The following MINDY2 variants were observed in gnomAD, a reference collection of about 807,000 sequenced individuals.
The protein encoded by MINDY2 is ubiquitin carboxyl-terminal hydrolase MINDY-2.
In MINDY2, 52 loss-of-function variants were observed where a neutral mutation model predicts 68.2. That is an observed-to-expected ratio of 0.76 (90% CI 0.61 to 0.96). The LOEUF is 0.96. MINDY2 is among the 40% of genes least tolerant of loss of function. The pLI is 0.00. For missense variants in MINDY2, 881 were observed against 773.4 expected (o/e 1.14, Z -1.65); for synonymous variants, 372 against 303.0 (o/e 1.23, Z -2.36).
rs187675140 is a variant in MINDY2 at position 58,812,204 on chromosome 15, G to A, written c.1122+1816G>A. ...TGTAATCCCAGTACTTTGGGAGGCC[G>A]AGGCGGGTGGATCATGAAGTCAGGA... On this transcript the variant is annotated intron_variant, in intron 4 of 8. Transcript: ENST00000559228. Among the ~76,000 whole-genome samples the A allele has an allele frequency of 3.3e-5, 5 of 151,974 alleles. No individual in the cohort carries two copies. The East Asian group carries it at 7.8e-4, about 24-fold the overall frequency.
At chr15:58,848,349 G>T (rs933575243) in intron 7 of MINDY2, among the ~76,000 whole-genome samples, 1 of 152,274 alleles carries the variant, frequency 6.6e-6, no homozygotes, top group East Asian at 1.9e-4. Context: ...ATTGAGTCCT[G>T]TCCTTAAAGA....
At chr15:58,840,685 C>G (rs991814088) in intron 6 of MINDY2, among the ~76,000 whole-genome samples, 18 of 148,108 alleles carry the variant, frequency 1.2e-4, no homozygotes, top group Middle Eastern at 7.3e-3. Context: ...GAGATGGAGT[C>G]TTTCTCTGTC....
In MINDY2 at chr15:58,771,306, T is replaced by C. The variant is rs1297817850; in HGVS notation, c.-90T>C. The C allele has an allele frequency of 6.6e-6, 10 of 1,514,544 alleles. No homozygotes were observed. The Admixed American group carries it at 1.1e-4, about 16-fold the overall frequency. 93.8% of individuals were successfully genotyped at this position (1,514,544 alleles called of 1,614,324 possible). A position where few individuals can be genotyped will look rare whatever the true frequency, so the allele number is the denominator to read the frequency against. On this transcript the variant is annotated 5_prime_UTR_variant, in exon 1 of 9. Coordinates refer to ENST00000559228, the MANE Select transcript of MINDY2 (RefSeq NM_001040450.3). Reference sequence around the variant, plus strand: ...TGACCGAGGCCGCGCCAGGGCGCTGTTGCTGCCAATACAGCTGTCATGGCG... The same window carrying C: ...TGACCGAGGCCGCGCCAGGGCGCTGCTGCTGCCAATACAGCTGTCATGGCG...
intron 6 of MINDY2, among the ~76,000 whole-genome samples, chr15:58,843,474 C>A (rs2032374489): frequency 6.6e-6 from 1 of 152,072 alleles, no homozygotes; most frequent in South Asian, 2.1e-4. Context: ...TAATTTGAAT[C>A]CGAGCTAGTT....
At position 58,859,221 on chromosome 15, in the gene MINDY2, A is replaced by G. The variant is rs1244014961; in HGVS notation, c.*4611A>G. 6.6e-6 allele frequency: 1 copy of G among 152,126 alleles called. No individual in the cohort carries two copies. Among genetic ancestry groups the G allele is most frequent in the Non-Finnish European group, 1.5e-5 (1 of 67,970 alleles). The allele number at this position is 152,126 out of a possible 1,614,324, so 9.4% of individuals were successfully genotyped here. A position where few individuals can be genotyped will look rare whatever the true frequency, so the allele number is the denominator to read the frequency against. On this transcript the variant is annotated 3_prime_UTR_variant, in exon 9 of 9. Transcript: ENST00000559228. ...TCAAGAGTATTTTGAGAGGATCAGA[A>G]GCATTTAAAAATCTATTTTTTTCTA...
intron 4 of MINDY2, among the ~76,000 whole-genome samples, chr15:58,816,055 T>G (rs1452421611): frequency 6.6e-6 from 1 of 152,246 alleles, no homozygotes; most frequent in African/African-American, 2.4e-5. Flanking sequence ...GGACTCAGCA[T>G]AGTATTTAGA....
chr15:58,826,955 C>T (rs550578463), intron 5 of MINDY2, among the ~76,000 whole-genome samples: 3 of 151,548 alleles, frequency 2.0e-5, no homozygotes, highest in East Asian at 1.9e-4. Context: ...CCTTTTTTGT[C>T]GTTTATGACA....
In MINDY2 at chr15:58,860,272, TAA is replaced by T. The variant is rs1374048372; in HGVS notation, c.*5666_*5667del. The T allele has an allele frequency of 6.6e-6, 1 of 152,082 alleles. No homozygotes were observed. The allele number at this position is 152,082 out of a possible 1,614,324, so 9.4% of individuals were successfully genotyped here. Reference sequence around the variant, plus strand: ...CTCATAATTGTTTTATAGCTGAAAATAAAAAGTCAGGAAACTGGCCCGGTGCG... The same window carrying T: ...CTCATAATTGTTTTATAGCTGAAAATAAAGTCAGGAAACTGGCCCGGTGCG... On this transcript the variant is annotated 3_prime_UTR_variant, in exon 9 of 9. Transcript: ENST00000559228.
chr15:58,779,314 C>G (rs1002212297), intron 1 of MINDY2, among the ~76,000 whole-genome samples: 2 of 152,250 alleles, frequency 1.3e-5, no homozygotes, highest in African/African-American at 2.4e-5. Context: ...ATGCTATTGT[C>G]TCATCACCTG....
chr15:58,799,982 A>G (rs1262108188), intron 2 of MINDY2, among the ~76,000 whole-genome samples: 2 of 152,264 alleles, frequency 1.3e-5, no homozygotes, highest in Non-Finnish European at 2.9e-5. Context: ...GTTAAGAAAA[A>G]TAATAGAGAT....
chr15:58,829,073 TTC>T (rs2031576246), intron 5 of MINDY2, among the ~76,000 whole-genome samples: 1 of 152,172 alleles, frequency 6.6e-6, no homozygotes, highest in Non-Finnish European at 1.5e-5. Context: ...GTTATAATGA[TTC>T]TCTGATAAGT....
At chr15:58,776,194 A>G (rs1900760134) in intron 1 of MINDY2, among the ~76,000 whole-genome samples, 1 of 152,194 alleles carries the variant, frequency 6.6e-6, no homozygotes, top group Non-Finnish European at 1.5e-5. Flanking sequence ...AGTAAATATG[A>G]GACTAAATGA....
At chr15:58,820,624 G>GA (rs1467525622) in intron 4 of MINDY2, among the ~76,000 whole-genome samples, 1 of 152,110 alleles carries the variant, frequency 6.6e-6, no homozygotes, top group African/African-American at 2.4e-5. Flanking sequence ...TTATAGCATA[G>GA]AATGGTGGTT....
chr15:58,851,777 C>G lies in MINDY2; in HGVS notation c.1549C>G (p.Leu517Val), dbSNP rs764820518. 1 of 1,575,270 alleles carries G rather than the reference C, an allele frequency of 6.3e-7. No homozygotes were observed. The highest frequency in any genetic ancestry group is 8.6e-7 in the Non-Finnish European group (1 of 1,167,544). ...GQQDQIDQDYLMALSLQQEQQ... is the reference protein window; with the variant it reads ...GQQDQIDQDYVMALSLQQEQQ... ...TTATAATTTAATTTATTAGGATTAT[C>G]TTATGGCATTATCTCTACAACAAGA... Residue 517 changes from leucine (L) to valine (V), a missense_variant, in exon 8 of 9, where the codon CTT (leucine) becomes GTT (valine). By Grantham distance (32) the Leu-to-Val change is conservative (BLOSUM62 1). Transcript: ENST00000559228.
At chr15:58,820,934 A>C (rs1326725630) in intron 4 of MINDY2, among the ~76,000 whole-genome samples, 2 of 151,108 alleles carry the variant, frequency 1.3e-5, no homozygotes, top group Non-Finnish European at 3.0e-5. Context: ...CAATACACAT[A>C]AATAATTTAT....
chr15:58,823,934 C>T (rs1595752665), intron 5 of MINDY2, among the ~76,000 whole-genome samples: 1 of 152,160 alleles, frequency 6.6e-6, no homozygotes, highest in Admixed American at 6.6e-5. Context: ...AAAAGAAGCT[C>T]CTATTTTAAA....
intron 2 of MINDY2, among the ~76,000 whole-genome samples, chr15:58,799,561 A>T (rs1211459410): frequency 6.9e-6 from 1 of 144,668 alleles, no homozygotes; most frequent in Non-Finnish European, 1.5e-5. Flanking sequence ...CCTGGGCGAC[A>T]GAGCGAGACT....
At chr15:58,839,856 A>G (rs1458071111) in intron 6 of MINDY2, among the ~76,000 whole-genome samples, 1 of 144,464 alleles carries the variant, frequency 6.9e-6, no homozygotes, top group Non-Finnish European at 1.5e-5. Flanking sequence ...TTTTTGGGAC[A>G]GAGTCTCACT....
chr15:58,809,100 T>A (rs923260510), intron 3 of MINDY2, among the ~76,000 whole-genome samples: 6 of 152,132 alleles, frequency 3.9e-5, no homozygotes, highest in African/African-American at 1.4e-4. Flanking sequence ...TAGCCCCAGC[T>A]ACATGGGAGA....
Sources: gnomAD v4.1 joint callset for allele counts (sites outside exome capture counted in the v4.1 genomes callset) on GRCh38, gnomAD v4.1.1 for gene constraint, MANE v1.5 for transcripts, NCBI Gene and HGNC (gene_info 2026-07-23, HGNC 2026-07-21) for gene names.